SPOCK3: variants seen among roughly 807,000 people sequenced by gnomAD.
The protein encoded by SPOCK3 is testican-3.
SPOCK3 carries 30 observed loss-of-function variants against 56.6 expected under a neutral mutation model. That is an observed-to-expected ratio of 0.53 (90% CI 0.40 to 0.72). The LOEUF (loss-of-function observed/expected upper bound fraction) is 0.72. Ranked by LOEUF, SPOCK3 falls within the 30% of genes least tolerant of loss-of-function variation. The pLI is 0.00. For missense variants in SPOCK3, 527 were observed against 530.0 expected, an observed-to-expected ratio of 0.99 and a Z score of 0.06; for synonymous variants, 196 against 183.3, an observed-to-expected ratio of 1.07 and a Z score of -0.56.
intron 6 of SPOCK3, among the ~76,000 whole-genome samples, chr4:166,839,367 A>G (rs1023306000): frequency 6.6e-6 from 1 of 152,126 alleles, no homozygotes; most frequent in Non-Finnish European, 1.5e-5. Flanking sequence ...TCCACTGACA[A>G]CAGGAAGAAG....
intron 4 of SPOCK3, among the ~76,000 whole-genome samples, chr4:166,979,074 T>C (rs977593184): frequency 2.6e-5 from 4 of 152,176 alleles, no homozygotes; most frequent in Admixed American, 2.6e-4. Context: ...ACTGTGGTTA[T>C]CTATTTATAC....
chr4:166,897,323 G>C (rs1168064322), intron 5 of SPOCK3, among the ~76,000 whole-genome samples: 1 of 152,028 alleles, frequency 6.6e-6, no homozygotes, highest in African/African-American at 2.4e-5. Flanking sequence ...CTTTTGTTCT[G>C]TATTATCTAT....
chr4:166,781,834 C>T (rs1011880780), intron 7 of SPOCK3, among the ~76,000 whole-genome samples: 1 of 151,944 alleles, frequency 6.6e-6, no homozygotes, highest in Non-Finnish European at 1.5e-5. Context: ...CAGCTGAAAC[C>T]CACAAGCCAG....
At chr4:167,055,574 C>T (rs1366026054) in intron 3 of SPOCK3, among the ~76,000 whole-genome samples, 1 of 152,164 alleles carries the variant, frequency 6.6e-6, no homozygotes, top group Non-Finnish European at 1.5e-5. Context: ...CAGACAGCAC[C>T]TGGAAAATCG....
intron 4 of SPOCK3, among the ~76,000 whole-genome samples, chr4:166,950,369 T>C (rs1029051015): frequency 2.6e-5 from 4 of 151,268 alleles, no homozygotes; most frequent in Non-Finnish European, 5.9e-5. Context: ...AGGGATCAAT[T>C]CAACAAGAAG....
chr4:167,225,204 C>A (rs767468021), intron 2 of SPOCK3, among the ~76,000 whole-genome samples: 2 of 151,914 alleles, frequency 1.3e-5, no homozygotes, highest in Admixed American at 6.6e-5. Flanking sequence ...AATAAATGAA[C>A]TAATGAAATA....
chr4:166,880,462 G>T (rs1733570450), intron 6 of SPOCK3, among the ~76,000 whole-genome samples: 1 of 152,106 alleles, frequency 6.6e-6, no homozygotes, highest in Non-Finnish European at 1.5e-5. Flanking sequence ...TCACTCTCAT[G>T]ATTTGATGTA....
intron 2 of SPOCK3, among the ~76,000 whole-genome samples, chr4:167,106,582 T>A (rs1760171970): frequency 6.6e-6 from 1 of 151,350 alleles, no homozygotes. Context: ...AAAGAATGCA[T>A]CATTTATTTA....
At chr4:167,167,214 CA>C (rs1730046223) in intron 2 of SPOCK3, among the ~76,000 whole-genome samples, 1 of 151,924 alleles carries the variant, frequency 6.6e-6, no homozygotes, top group African/African-American at 2.4e-5. Context: ...AACAAGCATA[CA>C]AAAAATCATA....
intron 2 of SPOCK3, among the ~76,000 whole-genome samples, chr4:167,155,836 G>A (rs1008086433): frequency 6.6e-6 from 1 of 152,026 alleles, no homozygotes; most frequent in African/African-American, 2.4e-5. Flanking sequence ...GTAGTCAAAG[G>A]GGAGGGAGAG....
intron 6 of SPOCK3, among the ~76,000 whole-genome samples, chr4:166,797,549 T>C (rs892150866): frequency 2.0e-5 from 3 of 152,056 alleles, no homozygotes; most frequent in Admixed American, 1.3e-4. Flanking sequence ...CCTTCTTTCA[T>C]TTGAAAGGCC....
intron 2 of SPOCK3, among the ~76,000 whole-genome samples, chr4:167,159,937 C>A (rs1765142306): frequency 6.6e-6 from 1 of 152,086 alleles, no homozygotes; most frequent in Admixed American, 6.6e-5. Flanking sequence ...CAATATCATA[C>A]TGAATGGGCA....
intron 8 of SPOCK3, among the ~76,000 whole-genome samples, chr4:166,753,441 T>A (rs1736675056): frequency 6.6e-6 from 1 of 152,030 alleles, no homozygotes; most frequent in African/African-American, 2.4e-5. Context: ...ATGTATTTTT[T>A]AAACTTTGTT....
chr4:166,810,110 C>A (rs1019635934), intron 6 of SPOCK3, among the ~76,000 whole-genome samples: 2 of 152,064 alleles, frequency 1.3e-5, no homozygotes, highest in Non-Finnish European at 2.9e-5. Context: ...CAGAGTCAAG[C>A]CCCACTTTGT....
At chr4:167,143,018 T>A (rs1286652255) in intron 2 of SPOCK3, among the ~76,000 whole-genome samples, 6 of 151,862 alleles carry the variant, frequency 4.0e-5, no homozygotes. Flanking sequence ...TATAGAGATG[T>A]GTAAAAGCCA....
At chr4:167,191,785 G>A (rs1732489724) in intron 2 of SPOCK3, among the ~76,000 whole-genome samples, 1 of 144,368 alleles carries the variant, frequency 6.9e-6, no homozygotes, top group Non-Finnish European at 1.5e-5. Flanking sequence ...TCTTTTTCTT[G>A]TCTAATGCTC....
At chr4:167,140,085 C>T (rs771190793) in intron 2 of SPOCK3, among the ~76,000 whole-genome samples, 9 of 152,054 alleles carry the variant, frequency 5.9e-5, no homozygotes, top group Admixed American at 2.6e-4. Flanking sequence ...TCAAAGAATC[C>T]GGCTGCTCAG....
intron 6 of SPOCK3, among the ~76,000 whole-genome samples, chr4:166,840,207 C>T (rs1487596080): frequency 1.3e-5 from 2 of 151,540 alleles, no homozygotes; most frequent in Admixed American, 6.6e-5. Flanking sequence ...TGTAGGGAGA[C>T]TCATTTCCAC....
intron 2 of SPOCK3, among the ~76,000 whole-genome samples, chr4:167,153,014 AAT>A (rs1764543738): frequency 6.6e-6 from 1 of 152,190 alleles, no homozygotes; most frequent in African/African-American, 2.4e-5. Flanking sequence ...ATTGATTAAT[AAT>A]AGTGTTAGAT....
Sources: allele counts gnomAD v4.1 joint callset (sites outside exome capture counted in the v4.1 genomes callset), GRCh38; gene constraint gnomAD v4.1.1; transcripts MANE v1.5; gene names NCBI Gene and HGNC (gene_info 2026-07-23, HGNC 2026-07-21).